HOMER1: variants seen among roughly 807,000 people sequenced by gnomAD.
HOMER1 encodes the protein homer protein homolog 1.
HOMER1 carries 3 observed loss-of-function variants against 48.9 expected under a neutral mutation model. That is an observed-to-expected ratio of 0.06 (90% CI 0.03 to 0.16). The LOEUF (loss-of-function observed/expected upper bound fraction) is 0.16, where lower values mean the gene tolerates loss of function less well. HOMER1 is among the 10% of genes least tolerant of loss of function. HOMER1 has a pLI of 1.00. For missense variants in HOMER1, 247 were observed against 411.4 expected (o/e 0.60, Z 3.46); for synonymous variants, 134 against 146.4 (o/e 0.92, Z 0.61).
At chr5:79,378,238 A>AAAAAAAAAAT (rs1748830285) in intron 8 of HOMER1, among the ~76,000 whole-genome samples, 1 of 150,940 alleles carries the variant, frequency 6.6e-6, no homozygotes, top group African/African-American at 2.4e-5. Context: ...AAAAAAAAAA[A>AAAAAAAAAAT]AAAGGAAATT....
intron 2 of HOMER1, among the ~76,000 whole-genome samples, chr5:79,452,311 C>T (rs1213754088): frequency 6.6e-6 from 1 of 152,168 alleles, no homozygotes; most frequent in Non-Finnish European, 1.5e-5. Context: ...AGTATTTTAG[C>T]ATGTTACTAA....
chr5:79,491,155 G>T (rs1752265354), intron 1 of HOMER1, among the ~76,000 whole-genome samples: 1 of 141,804 alleles, frequency 7.1e-6, no homozygotes, highest in South Asian at 2.4e-4. Context: ...TACAGGTCAG[G>T]TGCCAGCAGC....
In HOMER1 at chr5:79,513,448, A is replaced by T. The variant is rs939973239; in HGVS notation, c.-674T>A. On this transcript the variant is annotated 5_prime_UTR_variant, in exon 1 of 9. Transcript: ENST00000334082. ...CAGAGAAGAGGTGGGGAGGACGAAG[A>T]GAAGGCTAGGCAGGATCGATTCATT... 2 of 152,556 alleles carry T rather than the reference A, an allele frequency of 1.3e-5. No homozygotes were observed. Among genetic ancestry groups the T allele is most frequent in the Non-Finnish European group, 2.9e-5 (2 of 68,294 alleles). The allele number at this position is 152,556 out of a possible 1,614,324, so 9.5% of individuals were successfully genotyped here.
intron 1 of HOMER1, among the ~76,000 whole-genome samples, chr5:79,487,305 C>T (rs560936783): frequency 6.6e-6 from 1 of 152,046 alleles, no homozygotes; most frequent in African/African-American, 2.4e-5. Flanking sequence ...GGAAAGAATA[C>T]GTTTCATAAT....
At chr5:79,404,753 G>T (rs1329002584) in intron 5 of HOMER1, among the ~76,000 whole-genome samples, 2 of 151,966 alleles carry the variant, frequency 1.3e-5, no homozygotes, top group African/African-American at 4.8e-5. Flanking sequence ...TGCCCAGGCT[G>T]GAGTGCAATG....
At chr5:79,471,407 A>G (rs530473632) in intron 1 of HOMER1, among the ~76,000 whole-genome samples, 16 of 152,124 alleles carry the variant, frequency 1.1e-4, no homozygotes, top group Admixed American at 9.2e-4. Flanking sequence ...TTAGCCGGGC[A>G]TGGTGGCATG....
chr5:79,473,417 C>T lies in HOMER1; in HGVS notation c.6-16399G>A, dbSNP rs142460891. On this transcript the variant is annotated intron_variant, in intron 1 of 8. Coordinates refer to ENST00000334082, the MANE Select transcript of HOMER1 (RefSeq NM_004272.5). ...CCTCTTCCAATATGGCCCAGGGAAG[C>T]CAAAAGATTGGACACCCTTGTACTA... is the stretch of plus-strand genomic sequence containing the variant. Among the ~76,000 whole-genome samples, 331 of 152,240 alleles carry T rather than the reference C, an allele frequency of 2.2e-3. 1 individual carries two copies. The highest frequency in any genetic ancestry group is 7.6e-3 in the African/African-American group (317 of 41,538).
intron 8 of HOMER1, among the ~76,000 whole-genome samples, chr5:79,379,223 CTATAATA>C (rs1251337497): frequency 4.5e-5 from 4 of 88,024 alleles, no homozygotes; most frequent in African/African-American, 1.8e-4. Context: ...TTTTATATAT[CTATAATA>C]TATATTATAT....
intron 8 of HOMER1, among the ~76,000 whole-genome samples, chr5:79,390,423 C>A (rs1248734383): frequency 6.6e-6 from 1 of 151,860 alleles, no homozygotes; most frequent in Admixed American, 6.6e-5. Context: ...AAAACTAAGA[C>A]CATTTTAAAT....
intron 1 of HOMER1, among the ~76,000 whole-genome samples, chr5:79,466,815 CAG>C (rs1242505613): frequency 6.6e-6 from 1 of 151,646 alleles, no homozygotes; most frequent in African/African-American, 2.4e-5. Flanking sequence ...TTTTTTTAGA[CAG>C]AGTCTCACTC....
At chr5:79,486,448 C>T (rs1371159238) in intron 1 of HOMER1, among the ~76,000 whole-genome samples, 5 of 152,168 alleles carry the variant, frequency 3.3e-5, no homozygotes, top group African/African-American at 9.7e-5. Flanking sequence ...TCAACGCCAG[C>T]AGCAACCACA....
At chr5:79,447,560 C>T (rs2112288456) in intron 3 of HOMER1, among the ~76,000 whole-genome samples, 1 of 152,180 alleles carries the variant, frequency 6.6e-6, no homozygotes, top group South Asian at 2.1e-4. Flanking sequence ...TTAGAAAATG[C>T]TTTTAAATTT....
At chr5:79,473,558 T>TA (rs1220363984) in intron 1 of HOMER1, among the ~76,000 whole-genome samples, 1 of 152,238 alleles carries the variant, frequency 6.6e-6, no homozygotes, top group African/African-American at 2.4e-5. Flanking sequence ...TCAGTTCTTT[T>TA]AAAATTCATG....
chr5:79,430,748 C>T (rs1032439056), intron 5 of HOMER1, among the ~76,000 whole-genome samples: 1 of 151,650 alleles, frequency 6.6e-6, no homozygotes, highest in African/African-American at 2.4e-5. Flanking sequence ...ACCATCCTGG[C>T]CAACATGGTG....
chr5:79,505,872 A>G (rs546646538), intron 1 of HOMER1, among the ~76,000 whole-genome samples: 1 of 152,284 alleles, frequency 6.6e-6, no homozygotes, highest in African/African-American at 2.4e-5. Flanking sequence ...GGTAAATAAG[A>G]TTCAGTTATT....
intron 5 of HOMER1, among the ~76,000 whole-genome samples, chr5:79,426,602 C>T (rs1750263608): frequency 6.6e-6 from 1 of 151,766 alleles, no homozygotes; most frequent in African/African-American, 2.4e-5. Flanking sequence ...AAAATTGATG[C>T]CATGGAGGTA....
At chr5:79,445,548 C>T (rs1002725975) in intron 4 of HOMER1, among the ~76,000 whole-genome samples, 4 of 147,900 alleles carry the variant, frequency 2.7e-5, no homozygotes, top group Non-Finnish European at 5.9e-5. Context: ...AAAAGTAATA[C>T]TTTTGTAAAA....
At chr5:79,478,467 T>C (rs1751847925) in intron 1 of HOMER1, among the ~76,000 whole-genome samples, 1 of 151,456 alleles carries the variant, frequency 6.6e-6, no homozygotes, top group African/African-American at 2.4e-5. Flanking sequence ...GGCGGGCGGA[T>C]TGCCTGAGCT....
chr5:79,466,491 T>A (rs1171712047), intron 1 of HOMER1, among the ~76,000 whole-genome samples: 1 of 145,088 alleles, frequency 6.9e-6, no homozygotes, highest in African/African-American at 2.5e-5. Flanking sequence ...GAGGAGACCC[T>A]GTCTCAAAAA....
Sources: allele counts gnomAD v4.1 joint callset (sites outside exome capture counted in the v4.1 genomes callset), GRCh38; gene constraint gnomAD v4.1.1; transcripts MANE v1.5; gene names NCBI Gene and HGNC (gene_info 2026-07-23, HGNC 2026-07-21).